HIPK3: variants seen among roughly 807,000 people sequenced by gnomAD.
HIPK3 encodes homeodomain interacting protein kinase 3, also known as homeodomain-interacting protein kinase 3.
HIPK3 carries 47 observed loss-of-function variants against 124.2 expected under a neutral mutation model. The observed-to-expected ratio is 0.38, with a 90% CI of 0.30 to 0.48. The LOEUF (loss-of-function observed/expected upper bound fraction) is 0.48. Among genes scored for constraint, HIPK3 ranks in the 20% least tolerant of loss-of-function variants. The pLI is 0.98. For synonymous variants in HIPK3, 482 were observed against 515.2 expected (o/e 0.94, Z 0.87); for missense variants, 1,286 against 1,454.3 (o/e 0.88, Z 1.88).
intron 1 of HIPK3, among the ~76,000 whole-genome samples, chr11:33,279,310 G>A (rs1224747807): frequency 7.4e-6 from 1 of 135,914 alleles, no homozygotes; most frequent in Non-Finnish European, 1.5e-5. Context: ...GCAACAGAGG[G>A]AGACTCTTTG....
chr11:33,314,342 T>G (rs118062973), intron 2 of HIPK3, among the ~76,000 whole-genome samples: 2,357 of 152,174 alleles, frequency 0.015, 173 homozygotes, highest in Admixed American at 0.12. Flanking sequence ...ATAATGAATG[T>G]AAAACATTTA....
At position 33,356,498 on chromosome 11, in the gene HIPK3, A is replaced by G. The variant is rs1428770448; in HGVS notation, c.*2930A>G. The G allele has an allele frequency of 1.3e-5, 2 of 151,848 alleles. No individual in the cohort carries two copies. The highest frequency in any genetic ancestry group is 2.4e-5 in the African/African-American group (1 of 41,376). The allele number at this position is 151,848 out of a possible 1,614,324, so 9.4% of individuals were successfully genotyped here. ...AATGTTTTTTAAATCAAATATCCTG[A>G]TATTTAGTTGTTTTTTTTTTCCTCC... On this transcript the variant is annotated 3_prime_UTR_variant, in exon 17 of 17. Coordinates refer to ENST00000303296, the MANE Select transcript of HIPK3 (RefSeq NM_005734.5).
chr11:33,345,990 A>G (rs767100686), intron 8 of HIPK3, among the ~76,000 whole-genome samples: 10 of 152,140 alleles, frequency 6.6e-5, no homozygotes, highest in Non-Finnish European at 1.5e-4. Context: ...TTTATCCCCA[A>G]ATTGATTATA....
intron 1 of HIPK3, among the ~76,000 whole-genome samples, chr11:33,260,522 T>C (rs1850793750): frequency 6.6e-6 from 1 of 152,238 alleles, no homozygotes; most frequent in East Asian, 1.9e-4. Context: ...CTGGTAACTT[T>C]TGAAGTTAAC....
chr11:33,322,624 G>A (rs567751818), intron 2 of HIPK3, among the ~76,000 whole-genome samples: 1 of 152,146 alleles, frequency 6.6e-6, no homozygotes, highest in African/African-American at 2.4e-5. Flanking sequence ...CCAGGAGTTC[G>A]AGACCAGCCT....
At chr11:33,291,269 T>G (rs1253534838) in intron 2 of HIPK3, among the ~76,000 whole-genome samples, 1 of 152,220 alleles carries the variant, frequency 6.6e-6, no homozygotes, top group Non-Finnish European at 1.5e-5. Flanking sequence ...TGTCTTATAC[T>G]TGATTTTTCA....
intron 8 of HIPK3, among the ~76,000 whole-genome samples, chr11:33,343,029 A>G (rs990780189): frequency 7.2e-5 from 11 of 152,116 alleles, no homozygotes; most frequent in African/African-American, 1.7e-4. Context: ...CCCTAAACCA[A>G]CATGTCCAAC....
chr11:33,304,982 T>C (rs1475397354), intron 2 of HIPK3, among the ~76,000 whole-genome samples: 2 of 152,240 alleles, frequency 1.3e-5, no homozygotes, highest in Non-Finnish European at 2.9e-5. Context: ...TGGCTTTGAA[T>C]AGGCAAAAAC....
chr11:33,347,247 A>G, intron 8 of HIPK3, 46 bp from the exon 9 acceptor site: 3 of 1,544,216 alleles, frequency 1.9e-6, no homozygotes, highest in Non-Finnish European at 1.8e-6. Flanking sequence ...TAAGTTAAAT[A>G]AGAGGAAGAT....
Position 33,286,885 on chromosome 11 carries a change from C to T in HIPK3, c.471C>T (p.Asn157=), listed in dbSNP as rs776643668. Residue 157 remains asparagine, a synonymous_variant, in exon 2 of 17, where the codon AAC becomes AAT. Transcript: ENST00000303296. The part of the protein sequence containing the change: ...LSILPAMLQT[N]MGNPVTVVTA... Reference sequence around the variant, plus strand: ...TACTTCCTGCAATGTTGCAAACCAACATGGGAAATCCAGTGACAGTTGTGA... The same window carrying T: ...TACTTCCTGCAATGTTGCAAACCAATATGGGAAATCCAGTGACAGTTGTGA... 7.4e-6 allele frequency: 12 copies of T among 1,614,048 alleles called. No individual in the cohort carries two copies. Among genetic ancestry groups the T allele is most frequent in the Non-Finnish European group, 1.0e-5 (12 of 1,180,022 alleles).
chr11:33,257,408 C>G lies in HIPK3; in HGVS notation c.-484C>G. On this transcript the variant is annotated 5_prime_UTR_variant, in exon 1 of 17. Coordinates refer to ENST00000303296, the MANE Select transcript of HIPK3 (RefSeq NM_005734.5). ...TGGCAGCTGCCTCAGTGACGACTGC[C>G]GGCATCGCGGCGACCTGAGGAGATC... 1 of 985,130 alleles carries G rather than the reference C, an allele frequency of 1.0e-6. No individual in the cohort carries two copies. Among genetic ancestry groups the G allele is most frequent in the South Asian group, 4.7e-5 (1 of 21,286 alleles). The allele number at this position is 985,130 out of a possible 1,614,324, so 61.0% of individuals were successfully genotyped here. A position where few individuals can be genotyped will look rare whatever the true frequency, so the allele number is the denominator to read the frequency against.
intron 2 of HIPK3, among the ~76,000 whole-genome samples, chr11:33,294,153 G>GA (rs1322763236): frequency 6.8e-6 from 1 of 147,856 alleles, no homozygotes; most frequent in African/African-American, 2.5e-5. Context: ...GACTCCATCT[G>GA]AAAAAGAAAA....
chr11:33,352,244 G>A lies in HIPK3; in HGVS notation c.3150G>A (p.Gln1050=), dbSNP rs138517447. 214 of 1,614,050 alleles carry A rather than the reference G, an allele frequency of 1.3e-4. No homozygotes were observed. In the African/African-American group the frequency reaches 2.7e-3, roughly 20 times the overall value. ...RQQKLTSAFQ[Q]QHLNFSQVQH... is the part of the protein sequence containing the mutation. ...AAAAATTGACATCAGCATTCCAGCA[G>A]CAGCATTTGAACTTCAGTCAGGTAT... The change falls in exon 16 of 17, where the codon CAG becomes CAA. Residue 1050 remains glutamine (Q), a synonymous_variant. Coordinates refer to ENST00000303296, the MANE Select transcript of HIPK3 (RefSeq NM_005734.5).
chr11:33,340,469 A>C (rs987143494), intron 6 of HIPK3, among the ~76,000 whole-genome samples: 131 of 152,366 alleles, frequency 8.6e-4, no homozygotes, highest in African/African-American at 3.1e-3. Context: ...GTATTTAAAA[A>C]GACAAAATGA....
intron 3 of HIPK3, among the ~76,000 whole-genome samples, chr11:33,335,452 A>G (rs571860848): frequency 6.6e-6 from 1 of 152,320 alleles, no homozygotes; most frequent in African/African-American, 2.4e-5. Flanking sequence ...TATCAAAGTA[A>G]AATAAGGATT....
intron 2 of HIPK3, among the ~76,000 whole-genome samples, chr11:33,300,920 A>G (rs576601498): frequency 1.3e-5 from 2 of 152,088 alleles, no homozygotes; most frequent in Non-Finnish European, 2.9e-5. Context: ...ATTGTTTTGT[A>G]GAGACAGGGT....
chr11:33,303,128 G>C (rs1852052574), intron 2 of HIPK3, among the ~76,000 whole-genome samples: 1 of 152,072 alleles, frequency 6.6e-6, no homozygotes, highest in East Asian at 1.9e-4. Context: ...TGAGGGATTG[G>C]TTCCAGGACC....
chr11:33,301,038 T>C (rs1021136068), intron 2 of HIPK3, among the ~76,000 whole-genome samples: 2 of 152,222 alleles, frequency 1.3e-5, no homozygotes, highest in Non-Finnish European at 2.9e-5. Flanking sequence ...GTCTATCTGT[T>C]TGTATATTAA....
At chr11:33,340,569 A>C (rs771383310) in intron 6 of HIPK3, among the ~76,000 whole-genome samples, 5 of 152,194 alleles carry the variant, frequency 3.3e-5, no homozygotes, top group Non-Finnish European at 5.9e-5. Flanking sequence ...TTTCCCCTCA[A>C]ACACTTAAAA....
Sources: allele counts gnomAD v4.1 joint callset (sites outside exome capture counted in the v4.1 genomes callset), GRCh38; gene constraint gnomAD v4.1.1; transcripts MANE v1.5; gene names NCBI Gene and HGNC (gene_info 2026-07-23, HGNC 2026-07-21).